Variants in TENM3 observed in about 807,000 individuals in gnomAD.
TENM3 encodes teneurin-3.
Under a neutral mutation model 255.1 loss-of-function variants are expected in TENM3, and 63 were observed. The observed-to-expected ratio is 0.25, with a 90% CI of 0.20 to 0.30. The LOEUF is 0.30. TENM3 is among the 10% of genes least tolerant of loss of function. The probability of loss-of-function intolerance (pLI) is 1.00; values close to 1 mark genes in which losing one functional copy is unlikely to be tolerated. For missense variants in TENM3, 2,929 were observed against 3,461.1 expected, an observed-to-expected ratio of 0.85 and a Z score of 3.86; for synonymous variants, 1,306 against 1,322.3, an observed-to-expected ratio of 0.99 and a Z score of 0.27.
At chr4:182,198,318 G>T (rs184283816) in intron 1 of TENM3, among the ~76,000 whole-genome samples, 3 of 152,166 alleles carry the variant, frequency 2.0e-5, no homozygotes, top group African/African-American at 7.2e-5. Flanking sequence ...TACACCTTAG[G>T]TTGTATTACT....
intron 3 of TENM3, among the ~76,000 whole-genome samples, chr4:182,433,385 G>T (rs975611039): frequency 6.6e-6 from 1 of 152,148 alleles, no homozygotes; most frequent in Non-Finnish European, 1.5e-5. Context: ...TAAACAATTG[G>T]ATATGAGCCT....
chr4:182,210,967 A>T (rs968393569), intron 1 of TENM3, among the ~76,000 whole-genome samples: 2 of 152,092 alleles, frequency 1.3e-5, no homozygotes, highest in Admixed American at 6.5e-5. Context: ...GCCCCTTCCT[A>T]TAGGTGGTCT....
intron 3 of TENM3, among the ~76,000 whole-genome samples, chr4:182,580,053 A>G (rs974944505): frequency 6.6e-6 from 1 of 152,178 alleles, no homozygotes; most frequent in Non-Finnish European, 1.5e-5. Flanking sequence ...GTATATAACT[A>G]AGGGTGAGGA....
chr4:182,074,125 T>C, the TENM3 span, among the ~76,000 whole-genome samples: 1 of 152,214 alleles, frequency 6.6e-6, no homozygotes, highest in Non-Finnish European at 1.5e-5. Flanking sequence ...TGACACAGAA[T>C]TATGGCTAAA....
chr4:182,354,391 A>G (rs1362898833), intron 3 of TENM3, among the ~76,000 whole-genome samples: 1 of 152,202 alleles, frequency 6.6e-6, no homozygotes, highest in Non-Finnish European at 1.5e-5. Flanking sequence ...TAATTAATGA[A>G]TTGAATAGCA....
At chr4:181,883,502 G>C in the TENM3 span, among the ~76,000 whole-genome samples, 1 of 152,064 alleles carries the variant, frequency 6.6e-6, no homozygotes, top group African/African-American at 2.4e-5. Flanking sequence ...GCGGAGTCTC[G>C]CTCTGTCTGT....
the TENM3 span, among the ~76,000 whole-genome samples, chr4:181,711,015 A>G: frequency 6.6e-6 from 1 of 152,164 alleles, no homozygotes; most frequent in Non-Finnish European, 1.5e-5. Context: ...ATTTAAGTAA[A>G]TATAGTTAAT....
chr4:181,909,576 C>T, the TENM3 span, among the ~76,000 whole-genome samples: 1 of 152,156 alleles, frequency 6.6e-6, no homozygotes, highest in Non-Finnish European at 1.5e-5. Flanking sequence ...ATTGCCTCAG[C>T]ACAGCTGGGG....
intron 1 of TENM3, among the ~76,000 whole-genome samples, chr4:182,295,954 T>A (rs1163814452): frequency 1.3e-5 from 2 of 152,148 alleles, no homozygotes; most frequent in African/African-American, 2.4e-5. Context: ...TATTATTATT[T>A]TTTTATTTAT....
intron 5 of TENM3, among the ~76,000 whole-genome samples, chr4:182,631,859 G>A (rs1049194526): frequency 5.9e-5 from 9 of 152,174 alleles, no homozygotes; most frequent in South Asian, 2.1e-4. Flanking sequence ...GAGAACTTAC[G>A]ACAATGTAGA....
rs1043593861 is a variant in TENM3, at chr4:182,468,507, G to C, written c.511+121578G>C. Among the ~76,000 whole-genome samples, 3 of 152,070 alleles carry C rather than the reference G, an allele frequency of 2.0e-5. No individual in the cohort carries two copies. In the East Asian group the frequency reaches 5.8e-4, roughly 29 times the overall value. On this transcript the variant is annotated intron_variant, in intron 3 of 27. Transcript: ENST00000511685. ...AAAGCAATGGTTTGGATTTTTTTTA[G>C]TTCTGAAATTCTTCCGTTATCCTTT...
chr4:182,538,813 T>C (rs979366987), intron 3 of TENM3, among the ~76,000 whole-genome samples: 1 of 152,048 alleles, frequency 6.6e-6, no homozygotes, highest in Admixed American at 6.6e-5. Context: ...ACATTTATGA[T>C]TTGCAGGAAA....
chr4:182,185,626 G>T (rs1383157390), intron 1 of TENM3, among the ~76,000 whole-genome samples: 1 of 152,158 alleles, frequency 6.6e-6, no homozygotes, highest in Non-Finnish European at 1.5e-5. Context: ...CTTTCTAACA[G>T]CCCTTCAAGC....
chr4:181,666,580 C>T, the TENM3 span, among the ~76,000 whole-genome samples: 1 of 152,096 alleles, frequency 6.6e-6, no homozygotes, highest in African/African-American at 2.4e-5. Context: ...GAATCAATTT[C>T]TATGTAGACT....
chr4:182,730,809 TAAG>T, intron 15 of TENM3, 66 bp from the exon 16 acceptor site: 1 of 1,526,578 alleles, frequency 6.6e-7, no homozygotes, highest in Non-Finnish European at 8.9e-7. Flanking sequence ...CATATTAACT[TAAG>T]GAGGTGTGTA....
chr4:182,497,202 G>T (rs977778221), intron 3 of TENM3, among the ~76,000 whole-genome samples: 1 of 151,874 alleles, frequency 6.6e-6, no homozygotes, highest in Non-Finnish European at 1.5e-5. Flanking sequence ...TCAGGCACGC[G>T]CCACCATGCC....
the TENM3 span, among the ~76,000 whole-genome samples, chr4:181,905,534 CT>C: frequency 0.39 from 51,069 of 131,810 alleles, 8,731 homozygotes; most frequent in Middle Eastern, 0.52. Flanking sequence ...ATGAGCTGAG[CT>C]TTTTTTTTTT....
At chr4:181,695,672 A>C in the TENM3 span, among the ~76,000 whole-genome samples, 3 of 152,160 alleles carry the variant, frequency 2.0e-5, no homozygotes, top group Admixed American at 1.3e-4. Flanking sequence ...GCAGAGAGAT[A>C]ATTGTTTTGG....
the TENM3 span, among the ~76,000 whole-genome samples, chr4:181,801,353 A>G: frequency 6.6e-6 from 1 of 152,134 alleles, no homozygotes; most frequent in Non-Finnish European, 1.5e-5. Context: ...TAGGAAAAGT[A>G]CTATTGTATT....
Sources: allele counts gnomAD v4.1 joint callset (sites outside exome capture counted in the v4.1 genomes callset), GRCh38; gene constraint gnomAD v4.1.1; transcripts MANE v1.5; gene names NCBI Gene and HGNC (gene_info 2026-07-23, HGNC 2026-07-21).